The following SAMMSON variants were observed in gnomAD, a reference collection of about 807,000 sequenced individuals.
SAMMSON encodes survival associated mitochondrial melanoma specific oncogenic non-coding RNA.
intron 2 of SAMMSON, among the ~76,000 whole-genome samples, chr3:70,430,443 G>T (rs552732863): frequency 6.6e-6 from 1 of 152,076 alleles, no homozygotes; most frequent in Non-Finnish European, 1.5e-5. Flanking sequence ...TGTTATGAGA[G>T]CATGTGACTT....
chr3:70,173,142 A>C (rs951096853), intron 4 of SAMMSON, among the ~76,000 whole-genome samples: 3 of 151,968 alleles, frequency 2.0e-5, no homozygotes, highest in African/African-American at 7.2e-5. Flanking sequence ...AAATATAAGC[A>C]GTTTAAATTT....
At chr3:70,077,949 T>G (rs2067254834) in intron 4 of SAMMSON, among the ~76,000 whole-genome samples, 1 of 152,216 alleles carries the variant, frequency 6.6e-6, no homozygotes, top group African/African-American at 2.4e-5. Flanking sequence ...TCATTCCTTC[T>G]TCTTCTACTG....
intron 6 of SAMMSON, among the ~76,000 whole-genome samples, chr3:70,286,887 T>A (rs144113115): frequency 6.6e-6 from 1 of 151,944 alleles, no homozygotes; most frequent in African/African-American, 2.4e-5. Context: ...AGAATGCTTG[T>A]GATTTTTGTA....
chr3:70,040,169 TAAC>T (rs766592295), intron 3 of SAMMSON, among the ~76,000 whole-genome samples: 16 of 152,132 alleles, frequency 1.1e-4, no homozygotes, highest in Non-Finnish European at 2.1e-4. Flanking sequence ...AATATTATAA[TAAC>T]CACCTGAAAG....
intron 2 of SAMMSON, among the ~76,000 whole-genome samples, chr3:70,395,988 A>G (rs1187322726): frequency 2.6e-5 from 4 of 152,168 alleles, no homozygotes; most frequent in South Asian, 2.1e-4. Flanking sequence ...TAAAACTTCA[A>G]TAATAATTAT....
At chr3:70,038,499 A>T (rs753969390) in intron 3 of SAMMSON, among the ~76,000 whole-genome samples, 1 of 152,134 alleles carries the variant, frequency 6.6e-6, no homozygotes, top group Admixed American at 6.6e-5. Context: ...TTTCTTTATA[A>T]ACTACCCAGT....
At chr3:70,285,041 T>C (rs1025058411) in intron 6 of SAMMSON, among the ~76,000 whole-genome samples, 1 of 150,618 alleles carries the variant, frequency 6.6e-6, no homozygotes, top group Non-Finnish European at 1.5e-5. Context: ...TTTTTACTTA[T>C]TTTTTTTTAA....
intron 4 of SAMMSON, among the ~76,000 whole-genome samples, chr3:70,082,255 A>G (rs903034018): frequency 6.6e-6 from 1 of 152,286 alleles, no homozygotes; most frequent in East Asian, 1.9e-4. Context: ...TGGTAACACA[A>G]TGGGAGAGAG....
At chr3:70,097,647 A>G (rs1048702315) in intron 4 of SAMMSON, among the ~76,000 whole-genome samples, 5 of 152,200 alleles carry the variant, frequency 3.3e-5, no homozygotes, top group African/African-American at 1.2e-4. Context: ...AACTCCAAAT[A>G]CAATTTGTAT....
At chr3:70,218,231 T>G (rs2106734705) in intron 4 of SAMMSON, among the ~76,000 whole-genome samples, 1 of 152,278 alleles carries the variant, frequency 6.6e-6, no homozygotes, top group East Asian at 1.9e-4. Context: ...TTATTTCTAT[T>G]TTTAAATCCT....
At chr3:70,177,303 A>ACTTCCCT (rs1701015479) in intron 4 of SAMMSON, among the ~76,000 whole-genome samples, 1 of 152,234 alleles carries the variant, frequency 6.6e-6, no homozygotes. Flanking sequence ...AGATCTGCAC[A>ACTTCCCT]GGGTGTGCCA....
At chr3:70,320,610 A>G (rs1328012757) in intron 7 of SAMMSON, among the ~76,000 whole-genome samples, 4 of 152,024 alleles carry the variant, frequency 2.6e-5, no homozygotes, top group African/African-American at 9.7e-5. Context: ...AAACAACCTT[A>G]TTTAGAATTG....
At chr3:70,295,632 C>T (rs978285710) in intron 7 of SAMMSON, among the ~76,000 whole-genome samples, 3 of 152,230 alleles carry the variant, frequency 2.0e-5, no homozygotes, top group Non-Finnish European at 2.9e-5. Context: ...GTTGAGCCTG[C>T]AGTGAGCTGT....
At chr3:70,366,031 C>T (rs1702918059) in intron 9 of SAMMSON, among the ~76,000 whole-genome samples, 1 of 61,028 alleles carries the variant, frequency 1.6e-5, no homozygotes, top group South Asian at 6.3e-4. Flanking sequence ...TCGCCCAGGT[C>T]GGACTGCGGA....
chr3:70,261,843 G>GC (rs1475078877), intron 6 of SAMMSON, among the ~76,000 whole-genome samples: 1 of 152,136 alleles, frequency 6.6e-6, no homozygotes, highest in African/African-American at 2.4e-5. Context: ...GAACCTGAAT[G>GC]CCCGAACCCT....
intron 4 of SAMMSON, among the ~76,000 whole-genome samples, chr3:70,229,804 A>G (rs968545366): frequency 6.6e-6 from 1 of 152,210 alleles, no homozygotes; most frequent in African/African-American, 2.4e-5. Flanking sequence ...ATTCACTTTT[A>G]TTAAATTTGG....
At chr3:70,385,876 A>G (rs1261427359) in intron 9 of SAMMSON, among the ~76,000 whole-genome samples, 1 of 152,092 alleles carries the variant, frequency 6.6e-6, no homozygotes, top group Non-Finnish European at 1.5e-5. Context: ...GCTGGTAAAG[A>G]TTAACAAGTG....
At chr3:70,232,301 T>C (rs1220434731) in intron 4 of SAMMSON, among the ~76,000 whole-genome samples, 1 of 152,202 alleles carries the variant, frequency 6.6e-6, no homozygotes, top group Non-Finnish European at 1.5e-5. Flanking sequence ...TCCCAGCAAG[T>C]GTCTCATCTT....
intron 4 of SAMMSON, chr3:70,206,627 G>C (rs1326381177): frequency 7.5e-6 from 3 of 397,660 alleles, no homozygotes; most frequent in Non-Finnish European, 1.3e-5. Flanking sequence ...ATGTTGTTTG[G>C]CATTCTTCAA....
Sources: gnomAD v4.1 joint callset for allele counts (sites outside exome capture counted in the v4.1 genomes callset) on GRCh38, gnomAD v4.1.1 for gene constraint, MANE v1.5 for transcripts, NCBI Gene and HGNC (gene_info 2026-07-23, HGNC 2026-07-21) for gene names.